The following PLRG1 variants were observed in gnomAD, a reference collection of about 807,000 sequenced individuals.
The protein encoded by PLRG1 is pleiotropic regulator 1 (PRL1 homolog, Arabidopsis).
In PLRG1, 28 loss-of-function variants were observed where a neutral mutation model predicts 74.9. The ratio of observed to expected loss-of-function variants is 0.37; its 90% CI spans 0.28 to 0.51. The LOEUF is 0.51. PLRG1 is among the 20% of genes least tolerant of loss of function. The pLI is 0.91. For missense variants in PLRG1, 445 were observed against 631.9 expected (o/e 0.70, Z 3.17); for synonymous variants, 197 against 212.4 (o/e 0.93, Z 0.63).
intron 12 of PLRG1, 91 bp from the exon 13 acceptor site, chr4:154,538,199 A>G: frequency 1.8e-6 from 1 of 571,086 alleles, no homozygotes. Flanking sequence ...TATATTTTGC[A>G]GTGTGTACTC....
At chr4:154,537,625 G>T (rs1316299865) in intron 13 of PLRG1, 146 bp from the exon 14 acceptor site, 2 of 566,462 alleles carry the variant, frequency 3.5e-6, no homozygotes, top group South Asian at 5.4e-5. Context: ...TCTTAATATT[G>T]GTTTGTCTAC....
chr4:154,549,972 G>C (rs1729729184), intron 1 of PLRG1, among the ~76,000 whole-genome samples: 1 of 152,204 alleles, frequency 6.6e-6, no homozygotes, highest in South Asian at 2.1e-4. Context: ...CAGACTCACT[G>C]ACACTGCCCC....
chr4:154,549,621 G>T (rs759414142), intron 1 of PLRG1: 3 of 454,314 alleles, frequency 6.6e-6, no homozygotes, highest in Admixed American at 2.4e-5. Flanking sequence ...AGCAACATAG[G>T]GTCAGTAAAG....
At chr4:154,543,704 A>G (rs1048000664) in intron 7 of PLRG1, among the ~76,000 whole-genome samples, 44 of 152,208 alleles carry the variant, frequency 2.9e-4, no homozygotes, top group African/African-American at 9.9e-4. Flanking sequence ...AAATCAATAC[A>G]TCTATTACAA....
intron 8 of PLRG1, among the ~76,000 whole-genome samples, chr4:154,541,759 A>G (rs1180308185): frequency 2.6e-5 from 4 of 152,204 alleles, no homozygotes; most frequent in African/African-American, 7.2e-5. Context: ...AGATACACAC[A>G]CAGGAAAAGA....
chr4:154,536,807 C>G (rs907383560), intron 14 of PLRG1, 63 bp from the exon 15 acceptor site: 5 of 842,368 alleles, frequency 5.9e-6, no homozygotes, highest in Non-Finnish European at 9.7e-6. Flanking sequence ...TAATAGGCTT[C>G]CTTTCTAACA....
chr4:154,544,332 C>T, intron 7 of PLRG1, 113 bp downstream of exon 7: 6 of 670,742 alleles, frequency 8.9e-6, no homozygotes, highest in South Asian at 7.2e-5. Context: ...CACCTCAGAT[C>T]GCTCTACCAG....
At chr4:154,541,002 T>C in intron 8 of PLRG1, 68 bp from the exon 9 acceptor site, 1 of 1,154,460 alleles carries the variant, frequency 8.7e-7, no homozygotes, top group South Asian at 2.0e-5. Flanking sequence ...AGAAACCTGA[T>C]TATTAAAACT....
chr4:154,544,481 T>G lies in PLRG1; in HGVS notation c.558A>C (p.Pro186=), dbSNP rs1729612361. ...ALMAKKAPTM[P]KPQWHPPWKL... ...TCCACGGTGGGTGCCACTGGGGTTT[T>G]GGCATTGTAGGGGCTTTTTTAGCCA... Residue 186 remains proline, a synonymous_variant, in exon 7 of 15, where the codon CCA becomes CCC. Coordinates refer to ENST00000499023, the MANE Select transcript of PLRG1 (RefSeq NM_002669.4). The G allele has an allele frequency of 6.2e-7, 1 of 1,612,464 alleles. No homozygotes were observed. The highest frequency in any genetic ancestry group is 1.1e-5 in the South Asian group (1 of 91,048).
intron 9 of PLRG1, 30 bp from the exon 10 acceptor site, chr4:154,540,725 C>T: frequency 6.2e-7 from 1 of 1,609,030 alleles, no homozygotes; most frequent in East Asian, 2.2e-5. Flanking sequence ...GTTAAAACTT[C>T]TAGAATTAGA....
chr4:154,544,553 A>G lies in PLRG1; in HGVS notation c.493-7T>C, dbSNP rs775548051. 8 of 1,486,770 alleles carry G rather than the reference A, an allele frequency of 5.4e-6. No individual in the cohort carries two copies. The highest frequency in any genetic ancestry group is 7.5e-6 in the Non-Finnish European group (8 of 1,064,630). 92.1% of individuals were successfully genotyped at this position (1,486,770 alleles called of 1,614,324 possible). On this transcript the variant is annotated splice_polypyrimidine_tract_variant and splice_region_variant and intron_variant, in intron 6 of 14. Transcript: ENST00000499023. ...TGCCAGTCTCCATGACAATCTAGAC[A>G]TAGAAGAGACATTATTATTATTAAA...
At position 154,544,440 on chromosome 4, in the gene PLRG1, C is replaced by G. The variant is rs1489150426; in HGVS notation, c.594+5G>C. 6.6e-7 allele frequency: 1 copy of G among 1,506,902 alleles called. No homozygotes were observed. Among genetic ancestry groups the G allele is most frequent in the Non-Finnish European group, 9.2e-7 (1 of 1,082,524 alleles). The allele number at this position is 1,506,902 out of a possible 1,614,324, so 93.3% of individuals were successfully genotyped here. Reference sequence around the variant, plus strand: ...ACATAATAAAATAAATGCAGAGTCACTCACCCTGTAGAGTTTCCACGGTGG... The same window carrying G: ...ACATAATAAAATAAATGCAGAGTCAGTCACCCTGTAGAGTTTCCACGGTGG... On this transcript the variant is annotated splice_donor_5th_base_variant and intron_variant, in intron 7 of 14. Coordinates refer to ENST00000499023, the MANE Select transcript of PLRG1 (RefSeq NM_002669.4).
chr4:154,545,105 A>G (rs900891232), intron 6 of PLRG1, among the ~76,000 whole-genome samples: 2 of 152,218 alleles, frequency 1.3e-5, no homozygotes, highest in African/African-American at 4.8e-5. Context: ...CATCCAAAAC[A>G]TAAATAAGCC....
chr4:154,540,886 T>C lies in PLRG1; in HGVS notation c.736A>G (p.Ile246Val). The change falls in exon 9 of 15, where the codon ATT (isoleucine) becomes GTT (valine). Residue 246 changes from isoleucine (I) to valine (V), a missense_variant. This residue lies in a region of PLRG1 where 221 missense variants were observed against 377.7 expected (regional missense o/e 0.59). Coordinates refer to ENST00000499023, the MANE Select transcript of PLRG1 (RefSeq NM_002669.4). Reference sequence around the variant, plus strand: ...ACTATCACGCCCCGCACAGTACTAATATGCCCAGTCAATGACAGTTTTAAT... The same window carrying C: ...ACTATCACGCCCCGCACAGTACTAACATGCCCAGTCAATGACAGTTTTAAT... ...GKLKLSLTGH[I>V]STVRGVIVST... The C allele has an allele frequency of 2.5e-6, 4 of 1,612,650 alleles. No homozygotes were observed. Among genetic ancestry groups the C allele is most frequent in the East Asian group, 2.2e-5 (1 of 44,874 alleles).
At chr4:154,542,106 T>A (rs1354247298) in intron 8 of PLRG1, 81 bp downstream of exon 8, 2 of 874,744 alleles carry the variant, frequency 2.3e-6, no homozygotes, top group Non-Finnish European at 3.8e-6. Context: ...CAATAGCAAT[T>A]CCTGCCACAG....
At chr4:154,540,315 C>G (rs7698829) in intron 10 of PLRG1, 1 of 575,040 alleles carries the variant, frequency 1.7e-6, no homozygotes, top group Non-Finnish European at 3.1e-6. Flanking sequence ...TTTAAGACTA[C>G]TGAATGAAAG....
chr4:154,545,913 T>C lies in PLRG1; in HGVS notation c.415A>G (p.Asn139Asp), dbSNP rs764390225. The C allele has an allele frequency of 2.0e-5, 32 of 1,608,906 alleles. No individual in the cohort carries two copies. The East Asian group carries it at 7.1e-4, about 36-fold the overall frequency. The change falls in exon 6 of 15, where the codon AAT becomes GAT. Residue 139 changes from asparagine to aspartate, a missense_variant. This residue lies in a region of PLRG1 where 206 missense variants were observed against 210.8 expected (regional missense o/e 0.98). Coordinates refer to ENST00000499023, the MANE Select transcript of PLRG1 (RefSeq NM_002669.4). ...TCACTTCCACTAGGGGCAGTACGAT[T>C]TGCATCAGCCCTGGGGCAAAAGAAA... Reference protein sequence around the residue: ...ALPLQTKADANRTAPSGSEYR... With the variant: ...ALPLQTKADADRTAPSGSEYR...
chr4:154,549,655 A>T (rs973349733), intron 1 of PLRG1: 6 of 456,162 alleles, frequency 1.3e-5, no homozygotes, highest in Non-Finnish European at 4.4e-6. Flanking sequence ...AAAGGTATGA[A>T]CAACTTACGT....
chr4:154,550,196 C>T (rs1729737229), intron 1 of PLRG1, 104 bp downstream of exon 1: 7 of 1,067,624 alleles, frequency 6.6e-6, no homozygotes, highest in Admixed American at 5.1e-5. Context: ...CCCCTCGTAG[C>T]CTCTTTTCTC....
Sources: allele counts gnomAD v4.1 joint callset (sites outside exome capture counted in the v4.1 genomes callset), GRCh38; gene constraint gnomAD v4.1.1; regional missense constraint gnomAD v4.1.1; transcripts MANE v1.5; gene names NCBI Gene and HGNC (gene_info 2026-07-23, HGNC 2026-07-21).